Variants in PIK3CD observed in about 807,000 individuals in gnomAD.
PIK3CD encodes phosphatidylinositol-4,5-bisphosphate 3-kinase catalytic subunit delta, also known as phosphatidylinositol 4,5-bisphosphate 3-kinase catalytic subunit delta isoform.
A neutral mutation model predicts 122.9 loss-of-function variants in PIK3CD; 20 were observed. The ratio of observed to expected loss-of-function variants is 0.16; its 90% CI spans 0.11 to 0.24. The LOEUF (loss-of-function observed/expected upper bound fraction) is 0.24. Ranked by LOEUF, PIK3CD falls within the 10% of genes least tolerant of loss-of-function variation. The pLI, the probability that PIK3CD is intolerant of heterozygous loss-of-function variation, is 1.00. For missense variants in PIK3CD, 787 were observed against 1,406.3 expected (o/e 0.56, Z 7.04); for synonymous variants, 596 against 593.4 (o/e 1.00, Z -0.06).
rs756557593 is a variant in PIK3CD, at chr1:9,704,673, C to T, written c.-32-5751C>T. Among the ~76,000 whole-genome samples, 3 of 152,162 alleles carry T rather than the reference C, an allele frequency of 2.0e-5. No homozygotes were observed. The highest frequency in any genetic ancestry group is 6.5e-5 in the Admixed American group (1 of 15,276). On this transcript the variant is annotated intron_variant, in intron 2 of 23. Coordinates refer to ENST00000377346, the MANE Select transcript of PIK3CD (RefSeq NM_005026.5). This position sits in a 1 kb window ranked among gnomAD's most constrained non-coding sequence, Gnocchi z 5.0. ...GACTACAGGCGTGAGCCACCATGAC[C>T]GGCTAATTTTTGTATTTTGTGTAGA...
intron 1 of PIK3CD, chr1:9,654,684 C>G (rs935286553): frequency 2.9e-6 from 1 of 349,924 alleles, no homozygotes; most frequent in African/African-American, 2.1e-5. Flanking sequence ...AGTTCCCGCC[C>G]TCCCTGAGGC....
chr1:9,705,838 G>T (rs747268034), intron 2 of PIK3CD, among the ~76,000 whole-genome samples: 38 of 152,268 alleles, frequency 2.5e-4, no homozygotes, highest in Non-Finnish European at 5.0e-4. Flanking sequence ...AATATCTGGA[G>T]ATTGATCTCC....
At chr1:9,693,120 G>A (rs1360829207) in intron 2 of PIK3CD, among the ~76,000 whole-genome samples, 3 of 152,152 alleles carry the variant, frequency 2.0e-5, no homozygotes, top group East Asian at 1.9e-4. Flanking sequence ...TCATCTTACC[G>A]CCACCCCACC....
intron 2 of PIK3CD, among the ~76,000 whole-genome samples, chr1:9,696,832 T>C (rs919918563): frequency 6.7e-6 from 1 of 150,226 alleles, no homozygotes; most frequent in South Asian, 2.1e-4. Flanking sequence ...TGGTGGCTCA[T>C]GCCTTGTAAT....
At position 9,718,142 on chromosome 1, in the gene PIK3CD, T is replaced by C. The variant is rs1647848577; in HGVS notation, c.1020+516T>C. ...TTATTGTCCTGTTTGCTGGACATGA[T>C]ACCTGAGTCCTCAGAGGTTGGCCCT... On this transcript the variant is annotated intron_variant, in intron 8 of 23. Coordinates refer to ENST00000377346, the MANE Select transcript of PIK3CD (RefSeq NM_005026.5). The surrounding 1 kb of genome is among the most constrained non-coding windows in gnomAD (Gnocchi z 7.2). 2.2e-6 allele frequency: 1 copy of C among 463,174 alleles called. No homozygotes were observed. Among genetic ancestry groups the C allele is most frequent in the East Asian group, 6.8e-5 (1 of 14,738 alleles). The allele number at this position is 463,174 out of a possible 1,614,324, so 28.7% of individuals were successfully genotyped here.
intron 2 of PIK3CD, among the ~76,000 whole-genome samples, chr1:9,709,204 A>G (rs961541442): frequency 4.6e-5 from 7 of 151,680 alleles, no homozygotes; most frequent in Non-Finnish European, 8.8e-5. Flanking sequence ...TAATTTTTAT[A>G]TTTTTAGTAG....
intron 2 of PIK3CD, among the ~76,000 whole-genome samples, chr1:9,706,050 ATTTTTTTT>A (rs140912843): frequency 3.5e-5 from 3 of 85,188 alleles, no homozygotes; most frequent in Non-Finnish European, 6.5e-5. Context: ...ATTTATTGGA[ATTTTTTTT>A]TTTTTTTTTT....
chr1:9,702,624 G>A (rs1281356543), intron 2 of PIK3CD, among the ~76,000 whole-genome samples: 1 of 141,016 alleles, frequency 7.1e-6, no homozygotes, highest in Non-Finnish European at 1.5e-5. Flanking sequence ...GGGTTCAAGC[G>A]ATTCTCCTGC....
chr1:9,724,849 C>T lies in PIK3CD; in HGVS notation c.2910C>T (p.His970=), dbSNP rs767035763. ...CERAYTILRR[H]GLLFLHLFAL... ...GGGCCTACACCATCCTGCGGCGCCA[C>T]GGGCTTCTCTTCCTCCACCTCTTTG... Residue 970 remains histidine (H), a synonymous_variant, in exon 23 of 24, where the codon CAC becomes CAT. Transcript: ENST00000377346. The surrounding 1 kb of genome is among the most constrained non-coding windows in gnomAD (Gnocchi z 7.3). 16 of 1,614,010 alleles carry T rather than the reference C, an allele frequency of 9.9e-6. No homozygotes were observed. The highest frequency in any genetic ancestry group is 3.3e-4 in the Middle Eastern group (2 of 5,998).
intron 2 of PIK3CD, among the ~76,000 whole-genome samples, chr1:9,706,815 A>G (rs1352235219): frequency 7.2e-6 from 1 of 139,760 alleles, no homozygotes; most frequent in Non-Finnish European, 1.6e-5. Context: ...TTTTTTTTTT[A>G]CTTTTTTCTT....
In PIK3CD at chr1:9,710,695, G is replaced by A. The variant is rs1647015345; in HGVS notation, c.141+99G>A. 1 of 1,259,730 alleles carries A rather than the reference G, an allele frequency of 7.9e-7. No individual in the cohort carries two copies. The highest frequency in any genetic ancestry group is 1.2e-6 in the Non-Finnish European group (1 of 865,190). 78.0% of individuals were successfully genotyped at this position (1,259,730 alleles called of 1,614,324 possible). ...CAGACAGACAGACAGATGGACAGGT[G>A]GACAGACGGACAGACAGATGGACAG... On this transcript the variant is annotated intron_variant, in intron 3 of 23. Transcript: ENST00000377346. This position sits in a 1 kb window ranked among gnomAD's most constrained non-coding sequence, Gnocchi z 4.7.
At chr1:9,707,225 A>C (rs1331723242) in intron 2 of PIK3CD, among the ~76,000 whole-genome samples, 1 of 151,926 alleles carries the variant, frequency 6.6e-6, no homozygotes, top group Non-Finnish European at 1.5e-5. Context: ...AAGGGGATGG[A>C]TTCAAGAACA....
In PIK3CD at chr1:9,652,032, C is replaced by T. The variant is rs1158301556; in HGVS notation, c.-138+230C>T. 6.6e-6 allele frequency among the ~76,000 whole-genome samples: 1 copy of T among 151,754 alleles called. No individual in the cohort carries two copies. Among genetic ancestry groups the T allele is most frequent in the Non-Finnish European group, 1.5e-5 (1 of 67,876 alleles). ...CTGGGCGGGGGCTGCCCTAGAGGCCCGGGGCCGTCCCCCGTGGGCCCGCCG... is the reference window on the plus strand; with the variant it reads ...CTGGGCGGGGGCTGCCCTAGAGGCCTGGGGCCGTCCCCCGTGGGCCCGCCG... On this transcript the variant is annotated intron_variant, in intron 1 of 23. Transcript: ENST00000377346. This position sits in a 1 kb window ranked among gnomAD's most constrained non-coding sequence, Gnocchi z 6.2.
intron 1 of PIK3CD, chr1:9,687,581 G>A (rs1646015533): frequency 6.6e-6 from 1 of 152,052 alleles, no homozygotes; most frequent in Non-Finnish European, 1.5e-5. Flanking sequence ...GAGATGGGAG[G>A]GCGTGGGGGC....
At chr1:9,725,074 C>A in intron 23 of PIK3CD, 138 bp downstream of exon 23, 2 of 1,132,862 alleles carry the variant, frequency 1.8e-6, no homozygotes, top group Non-Finnish European at 2.6e-6. Flanking sequence ...TCCCAGGACC[C>A]AGCAGTGGAG....
chr1:9,728,952 G>A lies in PIK3CD; in HGVS notation c.*1906G>A, dbSNP rs561755558. On this transcript the variant is annotated 3_prime_UTR_variant, in exon 24 of 24. Coordinates refer to ENST00000377346, the MANE Select transcript of PIK3CD (RefSeq NM_005026.5). ...CCTTTTTATGTTCTTTTATGTTCTCGGCTCAAAAAGAAACAAGGGAGTGTA... is the reference window on the plus strand; with the variant it reads ...CCTTTTTATGTTCTTTTATGTTCTCAGCTCAAAAAGAAACAAGGGAGTGTA... 1 of 152,120 alleles carries A rather than the reference G, an allele frequency of 6.6e-6. No individual in the cohort carries two copies. Among genetic ancestry groups the A allele is most frequent in the Non-Finnish European group, 1.5e-5 (1 of 68,024 alleles). 9.4% of individuals were successfully genotyped at this position (152,120 alleles called of 1,614,324 possible).
chr1:9,658,004 T>C (rs1644907959), intron 1 of PIK3CD, among the ~76,000 whole-genome samples: 1 of 152,170 alleles, frequency 6.6e-6, no homozygotes. Flanking sequence ...GGGGCATTGC[T>C]CTTTTCTATG....
At chr1:9,726,275 A>G (rs571402360) in intron 23 of PIK3CD, among the ~76,000 whole-genome samples, 42 of 152,160 alleles carry the variant, frequency 2.8e-4, no homozygotes, top group Non-Finnish European at 4.1e-4. Flanking sequence ...TTGGGAGGCC[A>G]AGGCGGGTGA....
chr1:9,660,440 T>G (rs1413215283), intron 1 of PIK3CD, among the ~76,000 whole-genome samples: 1 of 152,244 alleles, frequency 6.6e-6, no homozygotes, highest in African/African-American at 2.4e-5. Flanking sequence ...TTTTTTCACT[T>G]AACATTGGCT....
Sources: allele counts gnomAD v4.1 joint callset (sites outside exome capture counted in the v4.1 genomes callset), GRCh38; gene constraint gnomAD v4.1.1; non-coding constraint Gnocchi (gnomAD v3.1); transcripts MANE v1.5; gene names NCBI Gene and HGNC (gene_info 2026-07-23, HGNC 2026-07-21).